FXR2: variants seen among roughly 807,000 people sequenced by gnomAD.
The protein encoded by FXR2 is FMR1 autosomal homolog 2.
In FXR2, 9 loss-of-function variants were observed where a neutral mutation model predicts 87.3. The ratio of observed to expected loss-of-function variants is 0.10; its 90% CI spans 0.06 to 0.18. The LOEUF is 0.18. FXR2 is among the 10% of genes least tolerant of loss of function. The pLI is 1.00. For missense variants in FXR2, 661 were observed against 893.6 expected, an observed-to-expected ratio of 0.74 and a Z score of 3.32; for synonymous variants, 331 against 328.3, an observed-to-expected ratio of 1.01 and a Z score of -0.09.
Position 7,591,934 on chromosome 17 carries a change from A to T in FXR2, c.1927-9T>A. 4 of 1,508,708 alleles carry T rather than the reference A, an allele frequency of 2.7e-6. No homozygotes were observed. The highest frequency in any genetic ancestry group is 3.7e-6 in the Non-Finnish European group (4 of 1,088,174). 93.5% of individuals were successfully genotyped at this position (1,508,708 alleles called of 1,614,324 possible). A position where few individuals can be genotyped will look rare whatever the true frequency, so the allele number is the denominator to read the frequency against. On this transcript the variant is annotated splice_polypyrimidine_tract_variant and intron_variant, in intron 16 of 16. Transcript: ENST00000250113. This position sits in a 1 kb window ranked among gnomAD's most constrained non-coding sequence, Gnocchi z 4.0. ...TTGCTGACAGAGTCACCCTGAGGGG[A>T]AAGTGGGAAAGAAAACAGAAAAGCA...
At chr17:7,609,901 TAC>T (rs1433680665) in intron 1 of FXR2, among the ~76,000 whole-genome samples, 1 of 145,000 alleles carries the variant, frequency 6.9e-6, no homozygotes, top group African/African-American at 2.6e-5. Flanking sequence ...TATATACACA[TAC>T]ATATATATGT....
At chr17:7,609,980 A>AAGTATG (rs2071843154) in intron 1 of FXR2, among the ~76,000 whole-genome samples, 1 of 60,732 alleles carries the variant, frequency 1.6e-5, no homozygotes, top group South Asian at 3.7e-4. Context: ...ATATGTATAC[A>AAGTATG]TATATATATA....
At chr17:7,611,102 C>A (rs879885832) in intron 1 of FXR2, among the ~76,000 whole-genome samples, 2 of 152,026 alleles carry the variant, frequency 1.3e-5, no homozygotes, top group East Asian at 1.9e-4. Context: ...AGGAAGATTG[C>A]GCCCTGGACG....
In FXR2 at chr17:7,592,849, G is replaced by A. The variant is rs1350974522; in HGVS notation, c.1574C>T (p.Ser525Phe). Residue 525 changes from serine to phenylalanine, a missense_variant, in exon 14 of 17, where the codon TCT becomes TTT. This residue lies in a region of FXR2 where 409 missense variants were observed against 432.0 expected (regional missense o/e 0.95). Coordinates refer to ENST00000250113, the MANE Select transcript of FXR2 (RefSeq NM_004860.4). This position sits in a 1 kb window ranked among gnomAD's most constrained non-coding sequence, Gnocchi z 4.8. ...TGAATCAACCGGGGGCTCTGGTTCAGACGTGTCCAATAGGCTGTAGGGATT... is the reference window on the plus strand; with the variant it reads ...TGAATCAACCGGGGGCTCTGGTTCAAACGTGTCCAATAGGCTGTAGGGATT... ...DSNPYSLLDT[S>F]EPEPPVDSEP... 6.2e-7 allele frequency: 1 copy of A among 1,609,496 alleles called. No homozygotes were observed. The highest frequency in any genetic ancestry group is 1.7e-5 in the Admixed American group (1 of 59,336).
chr17:7,613,884 G>A (rs1049096291), intron 1 of FXR2: 14 of 368,354 alleles, frequency 3.8e-5, no homozygotes, highest in Non-Finnish European at 4.9e-5. Flanking sequence ...GGTTCCTGAG[G>A]TCAAAGATGC....
chr17:7,602,927 G>C lies in FXR2; in HGVS notation c.525C>G (p.Asn175Lys), dbSNP rs776664694. Residue 175 changes from asparagine to lysine, a missense_variant, in exon 6 of 17, where the codon AAC becomes AAG. This residue lies in a region of FXR2 where 170 missense variants were observed against 247.2 expected (regional missense o/e 0.69). Transcript: ENST00000250113. ...GANCIFLNIT[N>K]SELFILSTTE... The stretch of plus-strand genomic sequence containing the variant: ...AACTCACCAGAATGAAGAGCTCACT[G>C]TTTGTGATGTTGAGAAAGATGCAGT... 2 of 1,532,022 alleles carry C rather than the reference G, an allele frequency of 1.3e-6. No homozygotes were observed. Among genetic ancestry groups the C allele is most frequent in the Non-Finnish European group, 1.8e-6 (2 of 1,106,398 alleles). 94.9% of individuals were successfully genotyped at this position (1,532,022 alleles called of 1,614,324 possible).
At chr17:7,603,928 A>T in intron 4 of FXR2, 23 bp from the exon 5 acceptor site, 1 of 1,613,566 alleles carries the variant, frequency 6.2e-7, no homozygotes, top group Non-Finnish European at 8.5e-7. Context: ...AAAAAAGGAG[A>T]AGTTGTGGAT....
Position 7,593,209 on chromosome 17 carries a change from G to C in FXR2, c.1331-28C>G. On this transcript the variant is annotated intron_variant, in intron 12 of 16. Transcript: ENST00000250113. The surrounding 1 kb of genome is among the most constrained non-coding windows in gnomAD (Gnocchi z 6.1). ...GAAGAACACAATGGGATTTATTCAC[G>C]GCCATTCATCCCACCTCAGGATCCA... is the stretch of plus-strand genomic sequence containing the variant. The C allele has an allele frequency of 3.4e-6, 5 of 1,476,136 alleles. No homozygotes were observed. The highest frequency in any genetic ancestry group is 4.5e-6 in the Non-Finnish European group (5 of 1,103,486). 91.4% of individuals were successfully genotyped at this position (1,476,136 alleles called of 1,614,324 possible). A position where few individuals can be genotyped will look rare whatever the true frequency, so the allele number is the denominator to read the frequency against.
chr17:7,609,297 T>C (rs2071830004), intron 1 of FXR2, among the ~76,000 whole-genome samples: 1 of 152,192 alleles, frequency 6.6e-6, no homozygotes, highest in African/African-American at 2.4e-5. Context: ...ACTTACCAGA[T>C]TGCTATTTCC....
chr17:7,609,935 T>TATATACATGCATATGTATAC, intron 1 of FXR2, among the ~76,000 whole-genome samples: 1 of 104,406 alleles, frequency 9.6e-6, no homozygotes, highest in African/African-American at 4.4e-5. Context: ...TATATGTATA[T>TATATACATGCATATGTATAC]ATATACATGT....
At chr17:7,604,105 A>G in intron 3 of FXR2, 25 bp from the exon 4 acceptor site, 6 of 1,515,434 alleles carry the variant, frequency 4.0e-6, no homozygotes, top group Non-Finnish European at 4.5e-6. Context: ...AGAATCAAAG[A>G]GATATTGAAG....
intron 5 of FXR2, 134 bp from the exon 6 acceptor site, chr17:7,603,136 C>A: frequency 1.9e-6 from 1 of 539,318 alleles, no homozygotes; most frequent in Non-Finnish European, 3.3e-6. Flanking sequence ...CACTTGAAGT[C>A]AGGAGTTCAA....
intron 1 of FXR2, among the ~76,000 whole-genome samples, chr17:7,607,561 G>C (rs1034913523): frequency 4.5e-4 from 69 of 151,894 alleles, no homozygotes; most frequent in African/African-American, 1.6e-3. Flanking sequence ...ACGAGTAGCT[G>C]AGATTACAGG....
chr17:7,606,173 CA>C (rs755584443), intron 1 of FXR2, 24 bp from the exon 2 acceptor site: 264 of 1,469,954 alleles, frequency 1.8e-4, no homozygotes, highest in Middle Eastern at 3.4e-4. Context: ...TAGAAAAAAG[CA>C]AAAAAAATAA....
chr17:7,611,110 A>G (rs1401150441), intron 1 of FXR2, among the ~76,000 whole-genome samples: 1 of 152,172 alleles, frequency 6.6e-6, no homozygotes, highest in Non-Finnish European at 1.5e-5. Flanking sequence ...TGCGCCCTGG[A>G]CGGTGAATAC....
rs1597872516 is a variant in FXR2, at chr17:7,595,923, A to G, written c.732T>C (p.Ile244=). 1 of 1,613,498 alleles carries G rather than the reference A, an allele frequency of 6.2e-7. No homozygotes were observed. The part of the protein sequence containing the change: ...TVREDLMGLA[I]GTHGANIQQA... Reference sequence around the variant, plus strand: ...GCTGGATGTTGGCACCGTGAGTCCCAATTGCCAGTCCCATCAGGTCCTCTC... The same window carrying G: ...GCTGGATGTTGGCACCGTGAGTCCCGATTGCCAGTCCCATCAGGTCCTCTC... The change falls in exon 8 of 17, where the codon ATT becomes ATC. Residue 244 remains isoleucine (I), a synonymous_variant. Transcript: ENST00000250113. The surrounding 1 kb of genome is among the most constrained non-coding windows in gnomAD (Gnocchi z 4.7).
At chr17:7,602,658 G>A (rs149409491) in intron 6 of FXR2, 5,133 of 335,790 alleles carry the variant, frequency 0.015, 233 homozygotes, top group African/African-American at 0.1. Context: ...GAACCCGGGA[G>A]GTGGAGGTTG....
rs920025701 is a variant in FXR2, at chr17:7,595,833, G to T, written c.822C>A (p.Ile274=). The change falls in exon 8 of 17, where the codon ATC becomes ATA. Residue 274 remains isoleucine, a synonymous_variant. Coordinates refer to ENST00000250113, the MANE Select transcript of FXR2 (RefSeq NM_004860.4). The surrounding 1 kb of genome is among the most constrained non-coding windows in gnomAD (Gnocchi z 4.7). The part of the protein sequence containing the change: ...ELGEETCTFR[I]YGETPEACRQ... ...GACATCCTTTGCTGACCTCCCCATA[G>T]ATGCGGAAAGTGCAGGTCTCTTCAC... 6.2e-7 allele frequency: 1 copy of T among 1,613,242 alleles called. No homozygotes were observed. Among genetic ancestry groups the T allele is most frequent in the South Asian group, 1.1e-5 (1 of 91,056 alleles).
Position 7,594,799 on chromosome 17 carries a change from C to T in FXR2, c.832-42G>A. ...AGGGAGTTGTTACTAAAACAGAAGACCAGCTGGATGTGGTGGCTCACGCCT... is the reference window on the plus strand; with the variant it reads ...AGGGAGTTGTTACTAAAACAGAAGATCAGCTGGATGTGGTGGCTCACGCCT... On this transcript the variant is annotated intron_variant, in intron 8 of 16. Transcript: ENST00000250113. The surrounding 1 kb of genome is among the most constrained non-coding windows in gnomAD (Gnocchi z 5.1). 8.2e-7 allele frequency: 1 copy of T among 1,226,874 alleles called. No individual in the cohort carries two copies. The highest frequency in any genetic ancestry group is 1.2e-6 in the Non-Finnish European group (1 of 826,954). 76.0% of individuals were successfully genotyped at this position (1,226,874 alleles called of 1,614,324 possible).
Sources: allele counts gnomAD v4.1 joint callset (sites outside exome capture counted in the v4.1 genomes callset), GRCh38; gene constraint gnomAD v4.1.1; regional missense constraint gnomAD v4.1.1; non-coding constraint Gnocchi (gnomAD v3.1); transcripts MANE v1.5; gene names NCBI Gene and HGNC (gene_info 2026-07-23, HGNC 2026-07-21).